Variants in ALK observed in about 807,000 individuals in gnomAD.
The protein encoded by ALK is ALK receptor tyrosine kinase, also known as ALK tyrosine kinase receptor.
Under a neutral mutation model 163.1 loss-of-function variants are expected in ALK, and 74 were observed. That is an observed-to-expected ratio of 0.45 (90% CI 0.38 to 0.55). The LOEUF is 0.55. Ranked by LOEUF, ALK falls within the 20% of genes least tolerant of loss-of-function variation. The pLI, the probability that ALK is intolerant of heterozygous loss-of-function variation, is 0.00. For synonymous variants in ALK, 960 were observed against 843.2 expected (o/e 1.14, Z -2.40); for missense variants, 2,063 against 2,105.3 (o/e 0.98, Z 0.39).
At chr2:29,339,971 A>G (rs1667742255) in intron 5 of ALK, among the ~76,000 whole-genome samples, 3 of 152,210 alleles carry the variant, frequency 2.0e-5, no homozygotes, top group African/African-American at 7.2e-5. Context: ...GAAGGAATTA[A>G]AAATTTTCTT....
At chr2:29,199,607 GTCTGCT>G (rs1669108665) in intron 26 of ALK, among the ~76,000 whole-genome samples, 1 of 152,030 alleles carries the variant, frequency 6.6e-6, no homozygotes, top group South Asian at 2.1e-4. Flanking sequence ...TCATCTATTT[GTCTGCT>G]TCTTGCATTG....
rs576208619 is a variant in ALK, at chr2:29,285,602, G to A, written c.1818-10106C>T. 3.5e-4 allele frequency among the ~76,000 whole-genome samples: 49 copies of A among 140,252 alleles called. 1 individual carries two copies. The highest frequency in any genetic ancestry group is 9.8e-4 in the African/African-American group (37 of 37,686). 92.0% of individuals were successfully genotyped at this position (140,252 alleles called of 152,430 possible). On this transcript the variant is annotated intron_variant, in intron 9 of 28. Coordinates refer to ENST00000389048, the MANE Select transcript of ALK (RefSeq NM_004304.5). ...TTTTGGAATGGAGTCTCTTTCTGTC[G>A]CCCAGGCTGGAATGCAGTGGTGCGA... is the stretch of plus-strand genomic sequence containing the variant.
At chr2:29,672,555 T>C in intron 3 of ALK, among the ~76,000 whole-genome samples, 1 of 150,682 alleles carries the variant, frequency 6.6e-6, no homozygotes, top group Admixed American at 6.6e-5. Context: ...ATGTGCCACA[T>C]TTTCTTAATC....
intron 3 of ALK, among the ~76,000 whole-genome samples, chr2:29,621,202 A>G (rs551769585): frequency 3.9e-4 from 60 of 152,288 alleles, no homozygotes; most frequent in African/African-American, 1.4e-3. Flanking sequence ...GATCTAGGAA[A>G]TCTGCTGAGA....
rs555222775 is a variant in ALK at position 29,229,029 on chromosome 2, G to T, written c.2670C>A (p.Leu890=). ...GGGWNDNTSL[L]WAGKSLQEGA... ...CCTCCTGCAAAGATTTTCCGGCCCA[G>T]AGCAAGGAAGTGTTATCATTCCAGC... Residue 890 remains leucine, a synonymous_variant, in exon 16 of 29, where the codon CTC becomes CTA. Coordinates refer to ENST00000389048, the MANE Select transcript of ALK (RefSeq NM_004304.5). The T allele has an allele frequency of 1.2e-6, 2 of 1,603,452 alleles. No homozygotes were observed. Among genetic ancestry groups the T allele is most frequent in the African/African-American group, 1.4e-5 (1 of 73,672 alleles).
At chr2:29,775,116 A>G (rs1681135161) in intron 1 of ALK, among the ~76,000 whole-genome samples, 1 of 152,232 alleles carries the variant, frequency 6.6e-6, no homozygotes, top group Non-Finnish European at 1.5e-5. Flanking sequence ...TTAATCATTG[A>G]AAGTGTCAAT....
chr2:29,595,611 C>T (rs947158978), intron 3 of ALK, among the ~76,000 whole-genome samples: 6 of 152,250 alleles, frequency 3.9e-5, no homozygotes, highest in Middle Eastern at 3.4e-3. Context: ...TGAGCCGCCG[C>T]GCCCAGCCGT....
At chr2:29,438,448 C>T (rs1670457230) in intron 4 of ALK, among the ~76,000 whole-genome samples, 1 of 152,164 alleles carries the variant, frequency 6.6e-6, no homozygotes, top group Non-Finnish European at 1.5e-5. Context: ...TGGTAGCAGG[C>T]ACCATGACAT....
intron 3 of ALK, among the ~76,000 whole-genome samples, chr2:29,541,754 T>C (rs1397620997): frequency 2.0e-5 from 3 of 152,226 alleles, no homozygotes; most frequent in Admixed American, 1.3e-4. Context: ...TTTGCATCTG[T>C]AGAAAATCTG....
At chr2:29,519,486 T>C (rs1324002720) in intron 4 of ALK, among the ~76,000 whole-genome samples, 2 of 152,234 alleles carry the variant, frequency 1.3e-5, no homozygotes, top group African/African-American at 2.4e-5. Context: ...GGGTATATGA[T>C]GAAATACAGG....
chr2:29,362,034 G>A (rs1440944142), intron 5 of ALK, among the ~76,000 whole-genome samples: 1 of 152,186 alleles, frequency 6.6e-6, no homozygotes, highest in Non-Finnish European at 1.5e-5. Flanking sequence ...GGCTTAGGGG[G>A]TCAGACAAGA....
At chr2:29,229,226 T>C (rs963669825) in intron 15 of ALK, among the ~76,000 whole-genome samples, 160 bp from the exon 16 acceptor site, 3 of 152,098 alleles carry the variant, frequency 2.0e-5, no homozygotes, top group Non-Finnish European at 4.4e-5. Flanking sequence ...AGATCCACAC[T>C]AGGAAAACCA....
chr2:29,634,050 T>A lies in ALK; in HGVS notation c.952+60800A>T, dbSNP rs1418199281. Among the ~76,000 whole-genome samples the A allele has an allele frequency of 3.3e-5, 5 of 152,184 alleles. No individual in the cohort carries two copies. In the East Asian group the frequency reaches 9.6e-4, roughly 29 times the overall value. On this transcript the variant is annotated intron_variant, in intron 3 of 28. Transcript: ENST00000389048. ...CAATTTCCATTTCATTTATATATAT[T>A]TTAGAGAAAGAGTCTCACTATGTTG...
chr2:29,568,845 C>T (rs569442476), intron 3 of ALK, among the ~76,000 whole-genome samples: 1 of 152,120 alleles, frequency 6.6e-6, no homozygotes, highest in Non-Finnish European at 1.5e-5. Flanking sequence ...AAAACAATCG[C>T]TTGGCAGTGG....
intron 4 of ALK, among the ~76,000 whole-genome samples, chr2:29,468,123 G>T (rs1309773389): frequency 4.6e-5 from 7 of 151,902 alleles, no homozygotes. Flanking sequence ...GCGCCTACCG[G>T]GTTCAAGTGA....
Position 29,891,605 on chromosome 2 carries a change from T to C in ALK, c.667+28388A>G, listed in dbSNP as rs377128890. 1.1e-4 allele frequency among the ~76,000 whole-genome samples: 17 copies of C among 152,256 alleles called. No homozygotes were observed. The East Asian group carries it at 2.7e-3, about 24-fold the overall frequency. ...AATCTGAGGCCCATAAAGTAGAACA[T>C]TTTATAGTTCTGGGGAGAACCATAA... is the stretch of plus-strand genomic sequence containing the variant. On this transcript the variant is annotated intron_variant, in intron 1 of 28. Coordinates refer to ENST00000389048, the MANE Select transcript of ALK (RefSeq NM_004304.5).
At chr2:29,577,132 C>T (rs530851392) in intron 3 of ALK, among the ~76,000 whole-genome samples, 1 of 152,200 alleles carries the variant, frequency 6.6e-6, no homozygotes, top group Admixed American at 6.5e-5. Flanking sequence ...CCTGTCAGCC[C>T]ATGCATGGCA....
chr2:29,586,614 G>C (rs543594442), intron 3 of ALK, among the ~76,000 whole-genome samples: 1 of 152,248 alleles, frequency 6.6e-6, no homozygotes, highest in African/African-American at 2.4e-5. Flanking sequence ...TAGTGGTCCT[G>C]TTATCTACCT....
chr2:29,788,356 A>G (rs1664097094), intron 1 of ALK, among the ~76,000 whole-genome samples: 1 of 152,222 alleles, frequency 6.6e-6, no homozygotes, highest in African/African-American at 2.4e-5. Context: ...CAGAGAAGGA[A>G]CGAGTGTCTA....
Sources: gnomAD v4.1 joint callset for allele counts (sites outside exome capture counted in the v4.1 genomes callset) on GRCh38, gnomAD v4.1.1 for gene constraint, MANE v1.5 for transcripts, NCBI Gene and HGNC (gene_info 2026-07-23, HGNC 2026-07-21) for gene names.